Variants in ENTREP1 observed in about 807,000 individuals in gnomAD.
The protein encoded by ENTREP1 is Friedreich ataxia region gene X123.
the ENTREP1 span, chr9:69,375,723 T>C: frequency 2.5e-6 from 4 of 1,605,148 alleles, no homozygotes; most frequent in Non-Finnish European, 3.4e-6. Flanking sequence ...TTTTTTACCT[T>C]TCCTCCGTTA....
chr9:69,379,648 T>A, the ENTREP1 span: 2 of 152,236 alleles, frequency 1.3e-5, no homozygotes, highest in African/African-American at 4.8e-5. Context: ...GAGGGTACAT[T>A]GGAGGACAGT....
chr9:69,390,695 G>A, the ENTREP1 span, among the ~76,000 whole-genome samples: 1 of 152,132 alleles, frequency 6.6e-6, no homozygotes, highest in East Asian at 1.9e-4. Flanking sequence ...GCTAAAGTGC[G>A]GTGGTGTAGA....
the ENTREP1 span, among the ~76,000 whole-genome samples, chr9:69,344,492 T>A: frequency 6.6e-6 from 1 of 152,202 alleles, no homozygotes; most frequent in African/African-American, 2.4e-5. Flanking sequence ...AGTTATCTTT[T>A]GTTTGATTTT....
At chr9:69,371,403 C>T in the ENTREP1 span, 2 of 907,834 alleles carry the variant, frequency 2.2e-6, no homozygotes, top group South Asian at 1.3e-5. Flanking sequence ...AAAAAATGTT[C>T]TCTTGGAAGG....
the ENTREP1 span, among the ~76,000 whole-genome samples, chr9:69,372,242 C>T: frequency 2.0e-5 from 3 of 152,160 alleles, no homozygotes; most frequent in Admixed American, 6.5e-5. Flanking sequence ...TTTAAGTCTA[C>T]AGTTCAGTAG....
chr9:69,367,622 T>C, the ENTREP1 span, among the ~76,000 whole-genome samples: 3 of 141,056 alleles, frequency 2.1e-5, no homozygotes, highest in Non-Finnish European at 4.6e-5. Context: ...TATACACACA[T>C]ATATATAAAT....
At chr9:69,342,356 T>C in the ENTREP1 span, among the ~76,000 whole-genome samples, 12 of 152,352 alleles carry the variant, frequency 7.9e-5, no homozygotes, top group Admixed American at 2.0e-4. Context: ...GTTCATTGCT[T>C]CTTCCATTGT....
chr9:69,386,604 C>T, the ENTREP1 span: 2 of 152,150 alleles, frequency 1.3e-5, no homozygotes, highest in East Asian at 3.9e-4. Flanking sequence ...ATTAAAATCT[C>T]CTGTAACTCC....
At chr9:69,369,565 G>A in the ENTREP1 span, among the ~76,000 whole-genome samples, 2 of 148,194 alleles carry the variant, frequency 1.3e-5, no homozygotes, top group Non-Finnish European at 3.0e-5. Flanking sequence ...TTTTTGATTT[G>A]CATTTCTCTA....
chr9:69,359,428 A>G, the ENTREP1 span, among the ~76,000 whole-genome samples: 5 of 152,272 alleles, frequency 3.3e-5, no homozygotes, highest in East Asian at 9.7e-4. Flanking sequence ...AGGTGGAGAT[A>G]ATTGAATCAT....
chr9:69,346,997 C>T, the ENTREP1 span, among the ~76,000 whole-genome samples: 1 of 152,182 alleles, frequency 6.6e-6, no homozygotes, highest in Non-Finnish European at 1.5e-5. Context: ...CTGACGGGAC[C>T]GTTGTCGGCT....
chr9:69,335,066 T>C, the ENTREP1 span, among the ~76,000 whole-genome samples: 2 of 152,140 alleles, frequency 1.3e-5, no homozygotes, highest in Non-Finnish European at 2.9e-5. Context: ...CAGCCTGTTT[T>C]TTCTTATTGA....
the ENTREP1 span, among the ~76,000 whole-genome samples, chr9:69,366,569 T>C: frequency 1.3e-5 from 2 of 152,082 alleles, no homozygotes; most frequent in African/African-American, 4.8e-5. Flanking sequence ...TATTTTGTTT[T>C]TGTTGCCTGT....
the ENTREP1 span, among the ~76,000 whole-genome samples, chr9:69,361,579 T>C: frequency 1.3e-5 from 2 of 152,246 alleles, no homozygotes; most frequent in Non-Finnish European, 2.9e-5. Context: ...CATTATGGCA[T>C]GTGCTATGAG....
chr9:69,377,662 G>T, the ENTREP1 span: 2 of 1,613,888 alleles, frequency 1.2e-6, no homozygotes, highest in African/African-American at 2.7e-5. Context: ...ACGCATCCCC[G>T]ACCCTGATGA....
At chr9:69,335,598 G>T in the ENTREP1 span, among the ~76,000 whole-genome samples, 2 of 152,152 alleles carry the variant, frequency 1.3e-5, no homozygotes, top group South Asian at 2.1e-4. Context: ...ATCTTGAAGG[G>T]CCTTGTTTCC....
At chr9:69,347,461 C>T in the ENTREP1 span, among the ~76,000 whole-genome samples, 361 of 152,214 alleles carry the variant, frequency 2.4e-3, 3 homozygotes, top group African/African-American at 7.4e-3. Flanking sequence ...TAGACCCACA[C>T]GAAAAAAGGG....
At chr9:69,369,639 G>A in the ENTREP1 span, among the ~76,000 whole-genome samples, 4 of 148,730 alleles carry the variant, frequency 2.7e-5, no homozygotes, top group Admixed American at 2.7e-4. Flanking sequence ...TAAAGTGGTT[G>A]TGCCACCTTA....
chr9:69,334,634 C>T, the ENTREP1 span, among the ~76,000 whole-genome samples: 1 of 152,192 alleles, frequency 6.6e-6, no homozygotes, highest in African/African-American at 2.4e-5. Flanking sequence ...TCAGAGTGCT[C>T]AAATGGCATC....
Sources: gnomAD v4.1 joint callset for allele counts (sites outside exome capture counted in the v4.1 genomes callset) on GRCh38, gnomAD v4.1.1 for gene constraint, MANE v1.5 for transcripts, NCBI Gene and HGNC (gene_info 2026-07-23, HGNC 2026-07-21) for gene names.